SORCS1: variants seen among roughly 807,000 people sequenced by gnomAD.
SORCS1 encodes sortilin related VPS10 domain containing receptor 1, also known as VPS10 domain-containing receptor SorCS1.
SORCS1 carries 60 observed loss-of-function variants against 146.1 expected under a neutral mutation model. The observed-to-expected ratio is 0.41, with a 90% CI of 0.33 to 0.51. The LOEUF (loss-of-function observed/expected upper bound fraction) is 0.51, where lower values mean the gene tolerates loss of function less well. SORCS1 is among the 20% of genes least tolerant of loss of function. The probability of loss-of-function intolerance (pLI) is 0.21; values close to 1 mark genes in which losing one functional copy is unlikely to be tolerated. For synonymous variants in SORCS1, 637 were observed against 584.0 expected (o/e 1.09, Z -1.31); for missense variants, 1,352 against 1,487.6 (o/e 0.91, Z 1.50).
intron 1 of SORCS1, among the ~76,000 whole-genome samples, chr10:107,159,518 A>G (rs1008929543): frequency 6.6e-6 from 1 of 152,200 alleles, no homozygotes; most frequent in Non-Finnish European, 1.5e-5. Context: ...GCATTTATTG[A>G]GCATTTACTA....
At chr10:106,832,144 G>A (rs1299468083) in intron 2 of SORCS1, among the ~76,000 whole-genome samples, 7 of 149,742 alleles carry the variant, frequency 4.7e-5, no homozygotes, top group Non-Finnish European at 7.4e-5. Flanking sequence ...AAGAAATATC[G>A]AAGAATTCTT....
Position 107,164,523 on chromosome 10 carries a change from C to T in SORCS1, c.4G>A (p.Gly2Arg). M[G>R]KVGAGGGSQA... is the part of the protein sequence containing the mutation. ...GAGCCGCCGCCGGCGCCAACTTTTC[C>T]CATCGCGGGAGCGAAGAGCAGCGGA... The change falls in exon 1 of 26, where the codon GGA (glycine) becomes AGA (arginine). Residue 2 changes from glycine to arginine, a missense_variant. Physicochemically the swap from Gly to Arg is moderately radical, Grantham distance 125. Around this residue, in one of 3 missense-constraint regions of SORCS1, gnomAD observed 490 missense variants for 489.1 expected, o/e 1.00. Coordinates refer to ENST00000263054, the MANE Select transcript of SORCS1 (RefSeq NM_052918.5). This position sits in a 1 kb window ranked among gnomAD's most constrained non-coding sequence, Gnocchi z 6.8. The T allele has an allele frequency of 7.4e-7, 1 of 1,345,438 alleles. No homozygotes were observed. The highest frequency in any genetic ancestry group is 9.5e-7 in the Non-Finnish European group (1 of 1,055,790). 83.3% of individuals were successfully genotyped at this position (1,345,438 alleles called of 1,614,324 possible).
At chr10:106,651,204 A>G (rs1237198547) in intron 18 of SORCS1, among the ~76,000 whole-genome samples, 1 of 152,168 alleles carries the variant, frequency 6.6e-6, no homozygotes, top group African/African-American at 2.4e-5. Context: ...CAAACTCGTT[A>G]TTTCACAGTT....
chr10:106,980,692 A>G (rs1956215734), intron 1 of SORCS1, among the ~76,000 whole-genome samples: 1 of 152,094 alleles, frequency 6.6e-6, no homozygotes, highest in South Asian at 2.1e-4. Flanking sequence ...TGTTATACAT[A>G]TTTCCTCTTT....
intron 16 of SORCS1, among the ~76,000 whole-genome samples, chr10:106,669,346 A>AAATCT (rs1484481679): frequency 6.6e-6 from 1 of 152,180 alleles, no homozygotes; most frequent in Non-Finnish European, 1.5e-5. Context: ...GGACATTGGG[A>AAATCT]CATCTCATCT....
chr10:107,157,643 C>T (rs1343381828), intron 1 of SORCS1, among the ~76,000 whole-genome samples: 4 of 152,208 alleles, frequency 2.6e-5, no homozygotes, highest in African/African-American at 9.6e-5. Flanking sequence ...GGATTTCCGA[C>T]AGAGCATCCA....
At chr10:106,712,166 A>G (rs2135862996) in intron 6 of SORCS1, among the ~76,000 whole-genome samples, 1 of 152,354 alleles carries the variant, frequency 6.6e-6, no homozygotes, top group East Asian at 1.9e-4. Context: ...GAAATGGAAG[A>G]TCAGTCTCAA....
intron 1 of SORCS1, among the ~76,000 whole-genome samples, chr10:107,057,707 G>T (rs1023298671): frequency 6.6e-6 from 1 of 152,138 alleles, no homozygotes; most frequent in Non-Finnish European, 1.5e-5. Context: ...CATTTTTGTT[G>T]CTGTTGATGG....
At chr10:106,929,860 T>C (rs900819672) in intron 2 of SORCS1, among the ~76,000 whole-genome samples, 8 of 152,186 alleles carry the variant, frequency 5.3e-5, no homozygotes, top group African/African-American at 1.7e-4. Flanking sequence ...AAATGGAGTA[T>C]GGTCATTAAA....
At chr10:106,906,596 T>C (rs1165496144) in intron 2 of SORCS1, among the ~76,000 whole-genome samples, 1 of 152,096 alleles carries the variant, frequency 6.6e-6, no homozygotes, top group Non-Finnish European at 1.5e-5. Context: ...ATCCCCAGAA[T>C]AGCACAGGAA....
chr10:106,751,772 T>C (rs1858260490), intron 5 of SORCS1, among the ~76,000 whole-genome samples: 1 of 152,182 alleles, frequency 6.6e-6, no homozygotes, highest in Non-Finnish European at 1.5e-5. Flanking sequence ...AGTCTCTGCG[T>C]TGATGGATTT....
intron 3 of SORCS1, among the ~76,000 whole-genome samples, chr10:106,818,593 T>C (rs1262182531): frequency 6.6e-6 from 1 of 152,170 alleles, no homozygotes; most frequent in African/African-American, 2.4e-5. Context: ...CTCGATCTCT[T>C]GACCTGGTGA....
At chr10:106,843,642 A>G (rs1391378846) in intron 2 of SORCS1, among the ~76,000 whole-genome samples, 4 of 152,022 alleles carry the variant, frequency 2.6e-5, no homozygotes, top group African/African-American at 9.7e-5. Context: ...TCACCGTGTT[A>G]GCCAGGATGG....
intron 1 of SORCS1, among the ~76,000 whole-genome samples, chr10:107,147,963 G>A (rs1205669473): frequency 6.6e-6 from 1 of 152,154 alleles, no homozygotes; most frequent in Non-Finnish European, 1.5e-5. Context: ...CAGACAGGAG[G>A]TGATATCCAA....
chr10:106,590,662 GT>G (rs1217002814), intron 24 of SORCS1, among the ~76,000 whole-genome samples: 1 of 152,074 alleles, frequency 6.6e-6, no homozygotes, highest in Non-Finnish European at 1.5e-5. Flanking sequence ...TTATGTTTTT[GT>G]TTTTGTTTTG....
intron 1 of SORCS1, among the ~76,000 whole-genome samples, chr10:107,029,761 T>C (rs1958566337): frequency 6.6e-6 from 1 of 152,214 alleles, no homozygotes; most frequent in South Asian, 2.1e-4. Context: ...CCTACATGTA[T>C]ATATGCATAC....
chr10:107,070,437 C>T (rs538652458), intron 1 of SORCS1, among the ~76,000 whole-genome samples: 168 of 152,226 alleles, frequency 1.1e-3, no homozygotes, highest in African/African-American at 3.4e-3. Flanking sequence ...TCTCTTTCTG[C>T]ACTATGAGAT....
At chr10:106,880,518 T>G (rs1056967646) in intron 2 of SORCS1, among the ~76,000 whole-genome samples, 11 of 152,116 alleles carry the variant, frequency 7.2e-5, no homozygotes, top group Non-Finnish European at 1.2e-4. Context: ...AGATTCAGAT[T>G]CATGGGTTTC....
At chr10:107,004,745 T>C (rs965374835) in intron 1 of SORCS1, among the ~76,000 whole-genome samples, 2 of 152,176 alleles carry the variant, frequency 1.3e-5, no homozygotes, top group African/African-American at 4.8e-5. Flanking sequence ...TATAGGTCCA[T>C]ACTTTGGGCT....
Sources: gnomAD v4.1 joint callset for allele counts (sites outside exome capture counted in the v4.1 genomes callset) on GRCh38, gnomAD v4.1.1 for gene constraint, gnomAD v4.1.1 regional missense constraint, Gnocchi (gnomAD v3.1) non-coding constraint, MANE v1.5 for transcripts, NCBI Gene and HGNC (gene_info 2026-07-23, HGNC 2026-07-21) for gene names.